The following OXR1 variants were observed in gnomAD, a reference collection of about 807,000 sequenced individuals.
OXR1 encodes oxidation resistance protein 1.
OXR1 carries 41 observed loss-of-function variants against 104.6 expected under a neutral mutation model. The ratio of observed to expected loss-of-function variants is 0.39; its 90% CI spans 0.31 to 0.51. OXR1 has a LOEUF of 0.51. Ranked by LOEUF, OXR1 falls within the 20% of genes least tolerant of loss-of-function variation. The pLI, the probability that OXR1 is intolerant of heterozygous loss-of-function variation, is 0.77. For missense variants in OXR1, 955 were observed against 1,031.9 expected (o/e 0.93, Z 1.02); for synonymous variants, 348 against 348.4 (o/e 1.00, Z 0.01).
chr8:106,515,974 C>T (rs1197234455), intron 2 of OXR1, among the ~76,000 whole-genome samples: 2 of 152,052 alleles, frequency 1.3e-5, no homozygotes, highest in Admixed American at 1.3e-4. Context: ...CTGCTTTGCT[C>T]AAATCCTCTC....
At chr8:106,672,304 T>C (rs10102112) in intron 3 of OXR1, among the ~76,000 whole-genome samples, 18,427 of 147,506 alleles carry the variant, frequency 0.12, 1,417 homozygotes, top group East Asian at 0.34. Context: ...ATAGTGAAAC[T>C]CTGTCTCTAC....
At position 106,568,909 on chromosome 8, in the gene OXR1, G is replaced by A. The variant is rs373142008; in HGVS notation, c.220+49770G>A. On this transcript the variant is annotated intron_variant, in intron 3 of 16. Transcript: ENST00000517566. The stretch of plus-strand genomic sequence containing the variant: ...ACTACATGTAAACATTATGTAAAAC[G>A]TGTACAAAACAAGAGTTAATACTAT... 5.3e-5 allele frequency among the ~76,000 whole-genome samples: 8 copies of A among 152,000 alleles called. No individual in the cohort carries two copies. The East Asian group carries it at 5.8e-4, about 11-fold the overall frequency.
chr8:106,647,317 T>C (rs1316462895), intron 3 of OXR1, among the ~76,000 whole-genome samples: 2 of 152,170 alleles, frequency 1.3e-5, no homozygotes, highest in African/African-American at 4.8e-5. Flanking sequence ...TCCCAGTCTA[T>C]TGAAAGGCCG....
chr8:106,696,443 A>G (rs926713978), intron 7 of OXR1, among the ~76,000 whole-genome samples: 1 of 152,198 alleles, frequency 6.6e-6, no homozygotes, highest in African/African-American at 2.4e-5. Context: ...ATTCATGTGC[A>G]GGTTTTGTGT....
At chr8:106,593,669 C>T (rs1454576518) in intron 3 of OXR1, among the ~76,000 whole-genome samples, 2 of 152,054 alleles carry the variant, frequency 1.3e-5, no homozygotes, top group East Asian at 1.9e-4. Context: ...CCCAGCTACT[C>T]GGGAGGCTGA....
intron 8 of OXR1, among the ~76,000 whole-genome samples, chr8:106,704,172 T>G (rs532921775): frequency 2.0e-5 from 3 of 152,228 alleles, no homozygotes; most frequent in Admixed American, 1.3e-4. Flanking sequence ...GTTAGTATCC[T>G]CTGTATTAGT....
intron 3 of OXR1, among the ~76,000 whole-genome samples, chr8:106,612,558 C>T (rs773468751): frequency 1.3e-5 from 2 of 152,086 alleles, no homozygotes; most frequent in Non-Finnish European, 2.9e-5. Flanking sequence ...CTTTCTGCAT[C>T]TCTTATGACA....
chr8:106,523,964 G>C (rs1177725246), intron 3 of OXR1, among the ~76,000 whole-genome samples: 9 of 151,984 alleles, frequency 5.9e-5, no homozygotes, highest in Admixed American at 5.9e-4. Flanking sequence ...TTTTAGTAGA[G>C]ACGGGGTTTC....
chr8:106,271,985 T>TG (rs1308273986), intron 1 of OXR1: 2 of 152,240 alleles, frequency 1.3e-5, no homozygotes, highest in East Asian at 3.9e-4. Flanking sequence ...GCCTGCGGAC[T>TG]GGGAAGCACG....
At chr8:106,672,371 CAGCTACTCAGGAGG>C (rs1164584660) in intron 3 of OXR1, among the ~76,000 whole-genome samples, 2 of 151,532 alleles carry the variant, frequency 1.3e-5, no homozygotes, top group Non-Finnish European at 2.9e-5. Context: ...CCTGTAGTCC[CAGCTACTCAGGAGG>C]CGAAGGCAGG....
chr8:106,502,230 T>C (rs988077969), intron 2 of OXR1, among the ~76,000 whole-genome samples: 4 of 152,244 alleles, frequency 2.6e-5, no homozygotes, highest in African/African-American at 4.8e-5. Flanking sequence ...TGTGCCTTCA[T>C]TGTCTTGAAT....
chr8:106,341,390 C>CATATATATATATATATATATATAT lies in OXR1; in HGVS notation c.-138-18069_-138-18068insTATATATATATATATATATATATA, dbSNP rs138432601. 5.4e-3 allele frequency among the ~76,000 whole-genome samples: 785 copies of CATATATATATATATATATATATAT among 145,770 alleles called. 7 individuals are homozygous for CATATATATATATATATATATATAT. Among genetic ancestry groups the CATATATATATATATATATATATAT allele is most frequent in the Non-Finnish European group, 7.4e-3 (488 of 66,162 alleles). ...CTCATTTATTCAATTAGTCAATCTA[C>CATATATATATATATATATATATAT]ATATATATATATATATACTTTCTAA... On this transcript the variant is annotated intron_variant, in intron 1 of 16. Transcript: ENST00000517566.
intron 3 of OXR1, among the ~76,000 whole-genome samples, chr8:106,628,768 C>T (rs1300419103): frequency 1.3e-5 from 2 of 152,156 alleles, no homozygotes; most frequent in South Asian, 2.1e-4. Flanking sequence ...TATCTAATGC[C>T]TCTGATCTGT....
rs74513070 is a variant in OXR1, at chr8:106,525,203, G to A, written c.220+6064G>A. 1.5e-3 allele frequency among the ~76,000 whole-genome samples: 231 copies of A among 152,342 alleles called. 3 individuals are homozygous for A. In the East Asian group the frequency reaches 0.036, roughly 24 times the overall value. Reference sequence around the variant, plus strand: ...TGCTCAGAATTCAGTTGGAGGACGAGCTTAACATTTACTGTGTGCCAGGAT... The same window carrying A: ...TGCTCAGAATTCAGTTGGAGGACGAACTTAACATTTACTGTGTGCCAGGAT... On this transcript the variant is annotated intron_variant, in intron 3 of 16. Transcript: ENST00000517566.
At chr8:106,704,390 CTTCTTTTTTTTTTTTT>C (rs1406907715) in intron 8 of OXR1, among the ~76,000 whole-genome samples, 7,336 of 75,728 alleles carry the variant, frequency 0.097, 289 homozygotes, top group Middle Eastern at 0.25. Context: ...TTTCTTTCTT[CTTCTTTTTTTTTTTTT>C]TTTTTTTTTT....
intron 11 of OXR1, among the ~76,000 whole-genome samples, chr8:106,715,392 T>A (rs1476721882): frequency 3.4e-5 from 5 of 148,518 alleles, no homozygotes; most frequent in Non-Finnish European, 7.4e-5. Flanking sequence ...ATTACATATG[T>A]AAAATATATA....
intron 3 of OXR1, among the ~76,000 whole-genome samples, chr8:106,556,638 G>C (rs1816305502): frequency 6.6e-6 from 1 of 152,158 alleles, no homozygotes; most frequent in African/African-American, 2.4e-5. Flanking sequence ...AGAAAGATGA[G>C]CTTAGTAGGA....
chr8:106,295,382 ACC>A (rs1238419223), intron 1 of OXR1, among the ~76,000 whole-genome samples: 3 of 152,174 alleles, frequency 2.0e-5, no homozygotes, highest in Non-Finnish European at 4.4e-5. Flanking sequence ...GTGTATATAT[ACC>A]TACATATACA....
intron 6 of OXR1, among the ~76,000 whole-genome samples, chr8:106,689,913 G>A (rs1363032291): frequency 6.6e-6 from 1 of 151,600 alleles, no homozygotes; most frequent in Admixed American, 6.6e-5. Context: ...AGTTTGAAAA[G>A]GTTAAATATC....
Sources: allele counts gnomAD v4.1 joint callset (sites outside exome capture counted in the v4.1 genomes callset), GRCh38; gene constraint gnomAD v4.1.1; transcripts MANE v1.5; gene names NCBI Gene and HGNC (gene_info 2026-07-23, HGNC 2026-07-21).